Variants in FOXN2 observed in about 807,000 individuals in gnomAD.
The protein encoded by FOXN2 is forkhead box N2, also known as forkhead box protein N2.
Under a neutral mutation model 41.2 loss-of-function variants are expected in FOXN2, and 19 were observed. That is an observed-to-expected ratio of 0.46 (90% CI 0.32 to 0.68). The LOEUF is 0.68. FOXN2 is among the 30% of genes least tolerant of loss of function. The pLI, the probability that FOXN2 is intolerant of heterozygous loss-of-function variation, is 0.03. For missense variants in FOXN2, 587 were observed against 509.4 expected, an observed-to-expected ratio of 1.15 and a Z score of -1.47; for synonymous variants, 195 against 176.8, an observed-to-expected ratio of 1.10 and a Z score of -0.82.
rs555510504 is a variant in FOXN2 at position 48,370,628 on chromosome 2, C to G, written c.704-2664C>G. ...AGCAATGTCTGTTCTGATCATTTGC[C>G]CATTTTTAAATTAGAGGATTTTGGT... On this transcript the variant is annotated intron_variant, in intron 5 of 6. Transcript: ENST00000340553. 1.1e-3 allele frequency among the ~76,000 whole-genome samples: 169 copies of G among 152,014 alleles called. 1 individual carries two copies. Among genetic ancestry groups the G allele is most frequent in the Non-Finnish European group, 2.1e-3 (143 of 67,972 alleles).
intron 2 of FOXN2, among the ~76,000 whole-genome samples, chr2:48,336,942 C>A (rs1250307229): frequency 2.0e-5 from 3 of 151,744 alleles, no homozygotes; most frequent in African/African-American, 7.3e-5. Context: ...AAGCATTTAT[C>A]CTTTGAGTTA....
At chr2:48,326,043 T>G (rs1337716880) in intron 1 of FOXN2, among the ~76,000 whole-genome samples, 1 of 152,020 alleles carries the variant, frequency 6.6e-6, no homozygotes, top group Non-Finnish European at 1.5e-5. Flanking sequence ...TAGATGGGGT[T>G]TTTGCCATAT....
At chr2:48,336,968 C>T (rs534321548) in intron 2 of FOXN2, among the ~76,000 whole-genome samples, 4 of 151,968 alleles carry the variant, frequency 2.6e-5, no homozygotes, top group South Asian at 2.1e-4. Context: ...AATCTAATTA[C>T]ATTCTTTAAG....
At chr2:48,373,396 G>A (rs748835343) in intron 6 of FOXN2, 36 bp downstream of exon 6, 2 of 1,283,442 alleles carry the variant, frequency 1.6e-6, no homozygotes, top group Non-Finnish European at 1.1e-6. Context: ...AAAAATTTTA[G>A]TGCCTTTTCA....
intron 2 of FOXN2, among the ~76,000 whole-genome samples, chr2:48,343,881 A>G (rs1334041101): frequency 2.0e-5 from 3 of 152,202 alleles, no homozygotes. Context: ...CCTATGACAT[A>G]GAATCTGTAA....
intron 3 of FOXN2, among the ~76,000 whole-genome samples, chr2:48,350,003 C>CTCCA (rs1671353145): frequency 6.6e-6 from 1 of 152,230 alleles, no homozygotes; most frequent in Non-Finnish European, 1.5e-5. Flanking sequence ...TTCCACTGGC[C>CTCCA]TCCATCTGGT....
At chr2:48,346,109 C>A in intron 2 of FOXN2, 92 bp from the exon 3 acceptor site, 1 of 1,131,024 alleles carries the variant, frequency 8.8e-7, no homozygotes, top group Non-Finnish European at 1.3e-6. Context: ...TGCAAAATTT[C>A]TCTGATTTGG....
At chr2:48,320,626 T>C (rs945519317) in intron 1 of FOXN2, among the ~76,000 whole-genome samples, 1 of 152,166 alleles carries the variant, frequency 6.6e-6, no homozygotes, top group South Asian at 2.1e-4. Flanking sequence ...AGGAGTGTCA[T>C]AGTCTCATAA....
Position 48,375,037 on chromosome 2 carries a change from A to G in FOXN2, c.890A>G (p.Asp297Gly), listed in dbSNP as rs777670025. 47 of 1,613,962 alleles carry G rather than the reference A, an allele frequency of 2.9e-5. No homozygotes were observed. The Admixed American group carries it at 3.0e-4, about 10-fold the overall frequency. The change falls in exon 7 of 7, where the codon GAT (aspartate) becomes GGT (glycine). Residue 297 changes from aspartate to glycine, a missense_variant. Asp to Gly is a moderately conservative substitution (Grantham distance 94). Coordinates refer to ENST00000340553, the MANE Select transcript of FOXN2 (RefSeq NM_002158.4). ...AGTGATTCTTTAGCCACCAGCATTG[A>G]TCCAAAAGAAGATCACAATTACAGT... is the stretch of plus-strand genomic sequence containing the variant. ...QESDSLATSI[D>G]PKEDHNYSAS...
At chr2:48,345,709 A>G (rs2104368690) in intron 2 of FOXN2, among the ~76,000 whole-genome samples, 1 of 152,256 alleles carries the variant, frequency 6.6e-6, no homozygotes, top group East Asian at 1.9e-4. Flanking sequence ...GTTTCTTTTT[A>G]TAGTAAATAT....
At chr2:48,354,598 C>G (rs1233147599) in intron 3 of FOXN2, among the ~76,000 whole-genome samples, 1 of 151,900 alleles carries the variant, frequency 6.6e-6, no homozygotes, top group Non-Finnish European at 1.5e-5. Flanking sequence ...GACTTCGTCT[C>G]AAAAACAAAA....
chr2:48,363,088 A>G (rs1017815115), intron 5 of FOXN2, among the ~76,000 whole-genome samples: 5 of 152,196 alleles, frequency 3.3e-5, no homozygotes, highest in Non-Finnish European at 5.9e-5. Flanking sequence ...CAGGTCCTTT[A>G]GGAGGTATTC....
At chr2:48,362,500 T>A (rs908699233) in intron 4 of FOXN2, 143 bp from the exon 5 acceptor site, 2 of 667,978 alleles carry the variant, frequency 3.0e-6, no homozygotes, top group Non-Finnish European at 5.3e-6. Context: ...GCTCAGAAAG[T>A]CAAGGCTGCA....
At chr2:48,350,380 T>G (rs557412349) in intron 3 of FOXN2, among the ~76,000 whole-genome samples, 2 of 152,364 alleles carry the variant, frequency 1.3e-5, no homozygotes, top group East Asian at 3.9e-4. Flanking sequence ...GAGCAGATTT[T>G]CTGCCTTTCT....
At chr2:48,356,040 A>T (rs910937874) in intron 3 of FOXN2, among the ~76,000 whole-genome samples, 4 of 152,160 alleles carry the variant, frequency 2.6e-5, no homozygotes, top group African/African-American at 4.8e-5. Context: ...CACGACAATC[A>T]CTTGAACCCG....
chr2:48,342,868 A>G (rs1670866045), intron 2 of FOXN2, among the ~76,000 whole-genome samples: 1 of 152,194 alleles, frequency 6.6e-6, no homozygotes, highest in African/African-American at 2.4e-5. Flanking sequence ...TGGTTTTTAA[A>G]CTTTGCTTGG....
At chr2:48,315,756 C>G (rs1158024594) in intron 1 of FOXN2, among the ~76,000 whole-genome samples, 2 of 152,224 alleles carry the variant, frequency 1.3e-5, no homozygotes, top group African/African-American at 2.4e-5. Flanking sequence ...TCTTTTTCCA[C>G]TGCATCTCTC....
intron 6 of FOXN2, among the ~76,000 whole-genome samples, chr2:48,374,035 A>G (rs1258060906): frequency 6.6e-6 from 1 of 151,200 alleles, no homozygotes; most frequent in African/African-American, 2.4e-5. Flanking sequence ...AGAGCACTGC[A>G]CTCCAGTCTG....
chr2:48,342,846 A>C (rs955379961), intron 2 of FOXN2, among the ~76,000 whole-genome samples: 1 of 152,210 alleles, frequency 6.6e-6, no homozygotes, highest in African/African-American at 2.4e-5. Flanking sequence ...GGTTTTTAAT[A>C]ATGTCAATAC....
Sources: allele counts gnomAD v4.1 joint callset (sites outside exome capture counted in the v4.1 genomes callset), GRCh38; gene constraint gnomAD v4.1.1; transcripts MANE v1.5; gene names NCBI Gene and HGNC (gene_info 2026-07-23, HGNC 2026-07-21).